TATDN1: variants seen among roughly 807,000 people sequenced by gnomAD.
TATDN1 encodes TatD DNase domain containing 1.
In TATDN1, 40 loss-of-function variants were observed where a neutral mutation model predicts 46.4. The ratio of observed to expected loss-of-function variants is 0.86; its 90% CI spans 0.67 to 1.12. The LOEUF is 1.12. Ranked by LOEUF, TATDN1 falls within the 50% of genes most tolerant of loss-of-function variation. The pLI is 0.00. For synonymous variants in TATDN1, 95 were observed against 105.6 expected (o/e 0.90, Z 0.62); for missense variants, 326 against 348.4 (o/e 0.94, Z 0.51).
intron 1 of TATDN1, among the ~76,000 whole-genome samples, chr8:124,536,315 CG>C (rs748798024): frequency 2.8e-4 from 42 of 152,036 alleles, no homozygotes; most frequent in Non-Finnish European, 5.4e-4. Context: ...CTTTGGGAGG[CG>C]GAGGTGGAAG....
At chr8:124,499,397 TTCTG>T (rs1817747115) in intron 9 of TATDN1, among the ~76,000 whole-genome samples, 1 of 152,196 alleles carries the variant, frequency 6.6e-6, no homozygotes, top group South Asian at 2.1e-4. Flanking sequence ...CTTAATATTC[TTCTG>T]TGTCTATTCT....
In TATDN1 at chr8:124,539,079, G is replaced by A; in HGVS notation, c.-33C>T. ...CATGGAGGACCTCCCCAGCGGAAGC[G>A]GAAGTGGCCGCCGGCAACTCCGCCC... On this transcript the variant is annotated 5_prime_UTR_variant, in exon 1 of 12. Transcript: ENST00000276692. The A allele has an allele frequency of 2.5e-6, 4 of 1,611,722 alleles. No individual in the cohort carries two copies. The highest frequency in any genetic ancestry group is 3.4e-6 in the Non-Finnish European group (4 of 1,177,984).
intron 9 of TATDN1, chr8:124,503,805 G>C: frequency 4.1e-6 from 3 of 740,350 alleles, no homozygotes; most frequent in South Asian, 2.9e-5. Flanking sequence ...AGAAGCCAGA[G>C]GACATGGGTT....
At chr8:124,530,931 T>C (rs1459244643) in intron 1 of TATDN1, among the ~76,000 whole-genome samples, 1 of 152,146 alleles carries the variant, frequency 6.6e-6, no homozygotes, top group African/African-American at 2.4e-5. Context: ...ACTTCCAAGA[T>C]TCAGCAAGGG....
At chr8:124,494,757 T>G (rs1212217257) in intron 10 of TATDN1, 1 of 150,296 alleles carries the variant, frequency 6.7e-6, no homozygotes, top group Non-Finnish European at 1.5e-5. Context: ...AGTTTCGCCC[T>G]TGTTGCCCAG....
rs564671737 is a variant in TATDN1, at chr8:124,520,598, TG to T, written c.138+1552del. 1.2e-4 allele frequency among the ~76,000 whole-genome samples: 19 copies of T among 152,020 alleles called. No individual in the cohort carries two copies. The South Asian group carries it at 4.0e-3, about 32-fold the overall frequency. ...TTTACCTACAACTTTACTAAATAGT[TG>T]AAAAAAACGGCAAGACAAGAGGGCA... On this transcript the variant is annotated intron_variant, in intron 3 of 11. Transcript: ENST00000276692.
chr8:124,489,250 G>A (rs1816701470), intron 11 of TATDN1: 1 of 152,356 alleles, frequency 6.6e-6, no homozygotes, highest in Non-Finnish European at 1.5e-5. Flanking sequence ...ATATTTACTT[G>A]GAAAAATGTG....
At chr8:124,513,587 A>T (rs1819214824) in intron 6 of TATDN1, among the ~76,000 whole-genome samples, 1 of 152,256 alleles carries the variant, frequency 6.6e-6, no homozygotes. Flanking sequence ...ATATTCTAAG[A>T]TCAGACGCTA....
chr8:124,538,062 T>C (rs556504154), intron 1 of TATDN1, among the ~76,000 whole-genome samples: 60 of 152,256 alleles, frequency 3.9e-4, no homozygotes, highest in African/African-American at 1.2e-3. Context: ...GTCCTATAAT[T>C]ATCTCAAACT....
At chr8:124,506,530 T>C (rs1458500989) in intron 8 of TATDN1, among the ~76,000 whole-genome samples, 2 of 151,930 alleles carry the variant, frequency 1.3e-5, no homozygotes, top group Non-Finnish European at 2.9e-5. Flanking sequence ...AGGAAAAAAT[T>C]ACAGAGTTAG....
At chr8:124,495,281 GAA>G (rs374297528) in intron 10 of TATDN1, 189 bp downstream of exon 10, 2 of 578,334 alleles carry the variant, frequency 3.5e-6, no homozygotes, top group Non-Finnish European at 6.0e-6. Flanking sequence ...CTTCTAAATT[GAA>G]AAAAATCATT....
At chr8:124,524,692 G>A (rs1171918588) in intron 1 of TATDN1, among the ~76,000 whole-genome samples, 1 of 152,192 alleles carries the variant, frequency 6.6e-6, no homozygotes, top group Non-Finnish European at 1.5e-5. Flanking sequence ...TGACAGAAGG[G>A]AAGGTTTTGC....
At chr8:124,495,685 C>T (rs1256137148) in intron 9 of TATDN1, 143 bp from the exon 10 acceptor site, 4 of 610,944 alleles carry the variant, frequency 6.5e-6, no homozygotes, top group Non-Finnish European at 1.1e-5. Flanking sequence ...AGTATTTGCA[C>T]ACCTCCATAC....
In TATDN1 at chr8:124,493,960, C is replaced by G. The variant is rs1433420820; in HGVS notation, c.665-1G>C. On this transcript the variant is annotated splice_acceptor_variant, in intron 10 of 11. Coordinates refer to ENST00000276692, the MANE Select transcript of TATDN1 (RefSeq NM_032026.4). LOFTEE classifies it high-confidence loss of function. ...CTTTTGACTCCACACCAAGGTGCAT[C>G]TAGTTAAGCAAAGAAAGTGTCTCGT... 1 of 1,601,326 alleles carries G rather than the reference C, an allele frequency of 6.2e-7. No homozygotes were observed. The highest frequency in any genetic ancestry group is 1.8e-5 in the Admixed American group (1 of 56,230).
chr8:124,522,938 T>A lies in TATDN1; in HGVS notation c.87A>T (p.Gln29His). 6.2e-7 allele frequency: 1 copy of A among 1,612,592 alleles called. No homozygotes were observed. The highest frequency in any genetic ancestry group is 1.1e-5 in the South Asian group (1 of 91,032). Reference protein sequence around the residue: ...RGIYRGVQKHQDDLQDVIGRA... With the variant: ...RGIYRGVQKHHDDLQDVIGRA... ...CGCCTTAATAAAGGAAATATTTACC[T>A]TGATGCTTTTGAACCCCCCTATAAA... is the stretch of plus-strand genomic sequence containing the variant. The change falls in exon 2 of 12, where the codon CAA becomes CAT. Residue 29 changes from glutamine (Q) to histidine (H), a missense_variant and splice_region_variant. Gln to His is a conservative substitution (Grantham distance 24). Coordinates refer to ENST00000276692, the MANE Select transcript of TATDN1 (RefSeq NM_032026.4).
chr8:124,522,076 T>C (rs1301109145), intron 3 of TATDN1, 75 bp downstream of exon 3: 4 of 1,034,004 alleles, frequency 3.9e-6, no homozygotes, highest in Middle Eastern at 2.0e-4. Flanking sequence ...TTCCTTTCTA[T>C]TCTGCAAAAT....
In TATDN1 at chr8:124,504,526, G is replaced by A. The variant is rs551053902; in HGVS notation, c.517-179C>T. ...ATATTATTTTTCACAATTACAACCT[G>A]TCATCATCTCCAGTGACATGATGCA... On this transcript the variant is annotated intron_variant, in intron 8 of 11. Transcript: ENST00000276692. 50 of 403,212 alleles carry A rather than the reference G, an allele frequency of 1.2e-4. 1 individual carries two copies. In the South Asian group the frequency reaches 3.5e-3, roughly 28 times the overall value. 25.0% of individuals were successfully genotyped at this position (403,212 alleles called of 1,614,324 possible). A position where few individuals can be genotyped will look rare whatever the true frequency, so the allele number is the denominator to read the frequency against.
At chr8:124,508,721 C>A in intron 6 of TATDN1, 33 bp from the exon 7 acceptor site, 5 of 1,342,832 alleles carry the variant, frequency 3.7e-6, no homozygotes, top group African/African-American at 1.5e-5. Flanking sequence ...ATTCTCATTA[C>A]AAATTGTATT....
chr8:124,535,374 C>T (rs1821344418), intron 1 of TATDN1, among the ~76,000 whole-genome samples: 1 of 152,118 alleles, frequency 6.6e-6, no homozygotes, highest in Admixed American at 6.5e-5. Flanking sequence ...TACTATATGG[C>T]CCTTTAAGGA....
Sources: gnomAD v4.1 joint callset for allele counts (sites outside exome capture counted in the v4.1 genomes callset) on GRCh38, gnomAD v4.1.1 for gene constraint, MANE v1.5 for transcripts, NCBI Gene and HGNC (gene_info 2026-07-23, HGNC 2026-07-21) for gene names.